NUDT7: variants seen among roughly 807,000 people sequenced by gnomAD.
NUDT7 encodes nudix hydrolase 7.
Under a neutral mutation model 13.1 loss-of-function variants are expected in NUDT7, and 19 were observed. The observed-to-expected ratio is 1.45, with a 90% confidence interval of 1.01 to 2.13. The LOEUF (loss-of-function observed/expected upper bound fraction) is 2.13. NUDT7 is among the 30% of genes most tolerant of loss of function. The pLI is 0.00. For synonymous variants in NUDT7, 132 were observed against 109.7 expected, an observed-to-expected ratio of 1.20 and a Z score of -1.27; for missense variants, 360 against 291.7, an observed-to-expected ratio of 1.23 and a Z score of -1.71.
At chr16:77,729,412 C>A (rs964286495) in intron 2 of NUDT7, among the ~76,000 whole-genome samples, 1 of 152,126 alleles carries the variant, frequency 6.6e-6, no homozygotes, top group Admixed American at 6.6e-5. Context: ...TATCACCACA[C>A]ACAATACCTC....
At chr16:77,735,745 G>T in intron 2 of NUDT7, 83 bp from the exon 3 acceptor site, 1 of 1,266,646 alleles carries the variant, frequency 7.9e-7, no homozygotes, top group Non-Finnish European at 1.1e-6. Context: ...GTACAAAATA[G>T]AAGTCCAGTA....
chr16:77,722,998 GT>G (rs2014009231), intron 1 of NUDT7, among the ~76,000 whole-genome samples: 1 of 152,182 alleles, frequency 6.6e-6, no homozygotes, highest in Non-Finnish European at 1.5e-5. Flanking sequence ...GGGTCTGTCA[GT>G]TTCGTAAACT....
rs139573060 is a variant in NUDT7, at chr16:77,739,577, A to G, written c.349-2005A>G. Among the ~76,000 whole-genome samples the G allele has an allele frequency of 3.0e-3, 449 of 152,186 alleles. 5 individuals are homozygous for G. Among genetic ancestry groups the G allele is most frequent in the South Asian group, 5.0e-3 (24 of 4,816 alleles). On this transcript the variant is annotated intron_variant, in intron 3 of 3. Transcript: ENST00000268533. Reference sequence around the variant, plus strand: ...GCGTTTTGATGGCCTTCTTTACTGTAAGGTCTTTATGACTTGTATCTCAGT... The same window carrying G: ...GCGTTTTGATGGCCTTCTTTACTGTGAGGTCTTTATGACTTGTATCTCAGT...
intron 3 of NUDT7, among the ~76,000 whole-genome samples, chr16:77,737,765 G>T (rs189117060): frequency 6.6e-6 from 1 of 152,222 alleles, no homozygotes; most frequent in Admixed American, 6.5e-5. Flanking sequence ...GACTATAGAC[G>T]TGAGCCACCA....
chr16:77,724,587 C>T (rs989314614), intron 1 of NUDT7, among the ~76,000 whole-genome samples: 2 of 152,142 alleles, frequency 1.3e-5, no homozygotes, highest in African/African-American at 4.8e-5. Flanking sequence ...TGCTTCTTAT[C>T]AGGACAACAG....
At chr16:77,732,047 CG>C (rs899428404) in intron 2 of NUDT7, among the ~76,000 whole-genome samples, 1 of 151,746 alleles carries the variant, frequency 6.6e-6, no homozygotes, top group Admixed American at 6.6e-5. Context: ...AGAAAAAGGC[CG>C]GGGGGTGGTG....
chr16:77,740,312 GCCGGATAGGT>G (rs1312052683), intron 3 of NUDT7, among the ~76,000 whole-genome samples: 2 of 152,036 alleles, frequency 1.3e-5, no homozygotes, highest in African/African-American at 4.8e-5. Context: ...CATTCTGCAG[GCCGGATAGGT>G]CCCAGCCTCA....
intron 2 of NUDT7, 173 bp downstream of exon 2, chr16:77,725,757 G>T: frequency 1.6e-6 from 1 of 607,966 alleles, no homozygotes; most frequent in Non-Finnish European, 2.8e-6. Context: ...CTTGGAGAAG[G>T]TTTAACAAGA....
intron 3 of NUDT7, among the ~76,000 whole-genome samples, chr16:77,736,458 A>G (rs1220135378): frequency 6.6e-6 from 1 of 152,208 alleles, no homozygotes; most frequent in Admixed American, 6.5e-5. Flanking sequence ...TCTGTGATAC[A>G]TTAATTGAAT....
intron 2 of NUDT7, among the ~76,000 whole-genome samples, chr16:77,730,479 C>T (rs553383439): frequency 6.6e-6 from 1 of 152,032 alleles, no homozygotes; most frequent in Admixed American, 6.6e-5. Flanking sequence ...AATAATATTC[C>T]TCTCTGTATA....
At chr16:77,731,469 A>G (rs1412163803) in intron 2 of NUDT7, among the ~76,000 whole-genome samples, 1 of 152,210 alleles carries the variant, frequency 6.6e-6, no homozygotes, top group African/African-American at 2.4e-5. Context: ...GTTTGTGGTG[A>G]TGCTGGTGTA....
At chr16:77,725,036 A>G (rs2145101516) in intron 1 of NUDT7, among the ~76,000 whole-genome samples, 1 of 152,332 alleles carries the variant, frequency 6.6e-6, no homozygotes, top group South Asian at 2.1e-4. Context: ...AAGACATAAG[A>G]GTTTGAGAAC....
At chr16:77,728,726 G>T (rs1223148364) in intron 2 of NUDT7, among the ~76,000 whole-genome samples, 1 of 152,088 alleles carries the variant, frequency 6.6e-6, no homozygotes, top group Non-Finnish European at 1.5e-5. Flanking sequence ...CCTTGTCCGG[G>T]TCCACCTTGG....
rs17702809 is a variant in NUDT7, at chr16:77,734,224, A to T, written c.190-1604A>T. On this transcript the variant is annotated intron_variant, in intron 2 of 3. Transcript: ENST00000268533. ...ACTGATTAAAAACACAGGCTCGTAAATTAAACACTGGTTTATATTCCAGCT... is the reference window on the plus strand; with the variant it reads ...ACTGATTAAAAACACAGGCTCGTAATTTAAACACTGGTTTATATTCCAGCT... Among the ~76,000 whole-genome samples, 441 of 152,346 alleles carry T rather than the reference A, an allele frequency of 2.9e-3. 2 individuals carry two copies. The highest frequency in any genetic ancestry group is 3.7e-3 in the Non-Finnish European group (249 of 68,028).
intron 2 of NUDT7, chr16:77,735,479 A>T (rs1255499683): frequency 3.1e-6 from 2 of 655,732 alleles, no homozygotes; most frequent in African/African-American, 1.8e-5. Context: ...AGACGCCAGC[A>T]TCATGCTCCC....
intron 2 of NUDT7, among the ~76,000 whole-genome samples, chr16:77,728,295 T>G (rs1231841229): frequency 6.6e-6 from 1 of 152,142 alleles, no homozygotes; most frequent in East Asian, 1.9e-4. Flanking sequence ...TGCAGTGGCG[T>G]GATCTCAGCT....
intron 3 of NUDT7, 61 bp downstream of exon 3, chr16:77,736,047 T>G: frequency 6.7e-7 from 1 of 1,484,934 alleles, no homozygotes. Flanking sequence ...TCTACTGTTC[T>G]CAGGATTCCA....
chr16:77,735,884 C>G lies in NUDT7; in HGVS notation c.246C>G (p.Asp82Glu). 1 of 1,614,042 alleles carries G rather than the reference C, an allele frequency of 6.2e-7. No individual in the cohort carries two copies. Among genetic ancestry groups the G allele is most frequent in the Non-Finnish European group, 8.5e-7 (1 of 1,179,954 alleles). The change falls in exon 3 of 4, where the codon GAC becomes GAG. Residue 82 changes from aspartate to glutamate, a missense_variant. Transcript: ENST00000268533. ...CFPGGKRDPTDMDDAATALRE... is the reference protein window; with the variant it reads ...CFPGGKRDPTEMDDAATALRE... ...CTGGAGGTAAGCGTGACCCTACAGA[C>G]ATGGATGATGCAGCCACAGCTCTCC...
Position 77,725,522 on chromosome 16 carries a change from C to G in NUDT7, c.127C>G (p.Leu43Val). The change falls in exon 2 of 4, where the codon CTT (leucine) becomes GTT (valine). Residue 43 changes from leucine to valine, a missense_variant. Coordinates refer to ENST00000268533, the MANE Select transcript of NUDT7 (RefSeq NM_001105663.3). The part of the protein sequence containing the change: ...SHLPYNKYSV[L>V]LPLVAKEGKL... ...CTTGCCATATAACAAATACTCCGTCCTTTTGCCATTGGTGGCTAAAGAAGG... is the reference window on the plus strand; with the variant it reads ...CTTGCCATATAACAAATACTCCGTCGTTTTGCCATTGGTGGCTAAAGAAGG... 1 of 1,614,134 alleles carries G rather than the reference C, an allele frequency of 6.2e-7. No homozygotes were observed. Among genetic ancestry groups the G allele is most frequent in the Non-Finnish European group, 8.5e-7 (1 of 1,180,006 alleles).
Sources: gnomAD v4.1 joint callset for allele counts (sites outside exome capture counted in the v4.1 genomes callset) on GRCh38, gnomAD v4.1.1 for gene constraint, MANE v1.5 for transcripts, NCBI Gene and HGNC (gene_info 2026-07-23, HGNC 2026-07-21) for gene names.